PKP4: variants seen among roughly 807,000 people sequenced by gnomAD.
The protein encoded by PKP4 is plakophilin 4.
In PKP4, 90 loss-of-function variants were observed where a neutral mutation model predicts 145.1. The ratio of observed to expected loss-of-function variants is 0.62; its 90% CI spans 0.52 to 0.74. The LOEUF (loss-of-function observed/expected upper bound fraction) is 0.74. Ranked by LOEUF, PKP4 falls within the 30% of genes least tolerant of loss-of-function variation. PKP4 has a pLI of 0.00. For missense variants in PKP4, 1,340 were observed against 1,482.7 expected, an observed-to-expected ratio of 0.90 and a Z score of 1.58; for synonymous variants, 563 against 577.2, an observed-to-expected ratio of 0.98 and a Z score of 0.35.
chr2:158,578,488 C>A (rs1459633468), intron 3 of PKP4, among the ~76,000 whole-genome samples: 1 of 105,140 alleles, frequency 9.5e-6, no homozygotes, highest in Non-Finnish European at 2.2e-5. Flanking sequence ...CTTTGCAATA[C>A]CCAATGAAAT....
intron 2 of PKP4, 134 bp downstream of exon 2, chr2:158,533,450 CTG>C: frequency 1.5e-5 from 16 of 1,067,216 alleles, no homozygotes; most frequent in African/African-American, 3.1e-5. Context: ...GTTTACATCC[CTG>C]AGTACATTGG....
chr2:158,672,358 A>G (rs1277618903), intron 17 of PKP4, among the ~76,000 whole-genome samples: 4 of 152,208 alleles, frequency 2.6e-5, no homozygotes, highest in African/African-American at 9.7e-5. Context: ...TGCTCATGGA[A>G]TTTGTGTCTG....
At chr2:158,650,179 AC>A (rs750197964) in intron 11 of PKP4, among the ~76,000 whole-genome samples, 4 of 152,108 alleles carry the variant, frequency 2.6e-5, no homozygotes, top group Non-Finnish European at 5.9e-5. Flanking sequence ...CTTTCATGTG[AC>A]CTGTTCCCTT....
chr2:158,640,180 A>T (rs866606770), intron 9 of PKP4, among the ~76,000 whole-genome samples: 1 of 152,340 alleles, frequency 6.6e-6, no homozygotes, highest in Middle Eastern at 3.4e-3. Context: ...CCTCAGGCCC[A>T]CAATGTTTGT....
At chr2:158,593,801 A>G (rs2049484345) in intron 3 of PKP4, among the ~76,000 whole-genome samples, 1 of 152,204 alleles carries the variant, frequency 6.6e-6, no homozygotes, top group African/African-American at 2.4e-5. Flanking sequence ...CACAAAGGAA[A>G]AGTAGAATGA....
intron 1 of PKP4, among the ~76,000 whole-genome samples, chr2:158,461,655 A>G (rs1447336085): frequency 1.4e-5 from 2 of 146,912 alleles, no homozygotes; most frequent in African/African-American, 4.9e-5. Flanking sequence ...AACTCACAAT[A>G]TAGGGTAGGG....
intron 2 of PKP4, among the ~76,000 whole-genome samples, chr2:158,565,836 C>T (rs545635966): frequency 1.3e-5 from 2 of 151,984 alleles, no homozygotes; most frequent in Admixed American, 6.6e-5. Context: ...ACCTTCTTTC[C>T]GAAGAAGCCC....
Position 158,680,501 on chromosome 2 carries a change from T to A in PKP4, c.3403T>A (p.Ser1135Thr). ...TGATGCATACAGATTGTATTTGCAG[T>A]CTCCTCATAGCTATGAAGATCCTTA... ...NFDAYRLYLQ[S>T]PHSYEDPYFD... Residue 1135 changes from serine to threonine, a missense_variant, in exon 22 of 22, where the codon TCT becomes ACT. Coordinates refer to ENST00000389759, the MANE Select transcript of PKP4 (RefSeq NM_003628.6). 6.2e-7 allele frequency: 1 copy of A among 1,613,352 alleles called. No individual in the cohort carries two copies. Among genetic ancestry groups the A allele is most frequent in the Non-Finnish European group, 8.5e-7 (1 of 1,179,294 alleles).
intron 1 of PKP4, among the ~76,000 whole-genome samples, chr2:158,508,542 G>A (rs539694575): frequency 6.6e-6 from 1 of 152,268 alleles, no homozygotes; most frequent in Admixed American, 6.5e-5. Context: ...TGTTCCTAGA[G>A]TACTAGTAGT....
intron 21 of PKP4, chr2:158,679,158 A>T (rs925833004): frequency 5.0e-5 from 8 of 161,040 alleles, no homozygotes; most frequent in African/African-American, 1.7e-4. Flanking sequence ...GCCGGGATGG[A>T]CCTCACTGTG....
chr2:158,547,996 G>A (rs912753456), intron 2 of PKP4, among the ~76,000 whole-genome samples: 2 of 152,144 alleles, frequency 1.3e-5, no homozygotes, highest in African/African-American at 4.8e-5. Context: ...TTTTAGATTT[G>A]TTCATCTTAA....
chr2:158,484,038 T>C (rs535015035), intron 1 of PKP4, among the ~76,000 whole-genome samples: 4 of 143,584 alleles, frequency 2.8e-5, no homozygotes, highest in African/African-American at 7.9e-5. Context: ...TTTTCTTTTT[T>C]TTTTTTTTTT....
chr2:158,656,296 G>A (rs915386287), intron 11 of PKP4, among the ~76,000 whole-genome samples: 25 of 152,116 alleles, frequency 1.6e-4, no homozygotes, highest in African/African-American at 5.6e-4. Flanking sequence ...CTAAGAATCC[G>A]TGGAGAAATA....
At chr2:158,631,162 G>C (rs1467550683) in intron 7 of PKP4, among the ~76,000 whole-genome samples, 1 of 151,892 alleles carries the variant, frequency 6.6e-6, no homozygotes, top group Non-Finnish European at 1.5e-5. Context: ...GGTTGATCTC[G>C]ATCTCCTGAC....
At chr2:158,635,124 A>G (rs2053701007) in intron 9 of PKP4, among the ~76,000 whole-genome samples, 1 of 152,196 alleles carries the variant, frequency 6.6e-6, no homozygotes, top group African/African-American at 2.4e-5. Context: ...TTCACTGGAA[A>G]ATTGTTATAA....
intron 6 of PKP4, among the ~76,000 whole-genome samples, chr2:158,624,111 G>C (rs2052526912): frequency 6.6e-6 from 1 of 152,112 alleles, no homozygotes; most frequent in Non-Finnish European, 1.5e-5. Flanking sequence ...ATAGATTTGG[G>C]GGTGCCTTTT....
At chr2:158,636,610 C>T (rs1305371217) in intron 9 of PKP4, among the ~76,000 whole-genome samples, 1 of 151,862 alleles carries the variant, frequency 6.6e-6, no homozygotes, top group East Asian at 1.9e-4. Context: ...TTTTTTCTGC[C>T]CCAAACTCTC....
chr2:158,590,104 G>A (rs1022067298), intron 3 of PKP4, among the ~76,000 whole-genome samples: 1 of 152,044 alleles, frequency 6.6e-6, no homozygotes, highest in Non-Finnish European at 1.5e-5. Flanking sequence ...AATATAATCT[G>A]TTTTTGCATA....
chr2:158,480,716 A>G lies in PKP4; in HGVS notation c.-6+23498A>G, dbSNP rs1386935762. Among the ~76,000 whole-genome samples the G allele has an allele frequency of 2.6e-5, 4 of 152,336 alleles. No individual in the cohort carries two copies. The East Asian group carries it at 5.8e-4, about 22-fold the overall frequency. On this transcript the variant is annotated intron_variant, in intron 1 of 21. Coordinates refer to ENST00000389759, the MANE Select transcript of PKP4 (RefSeq NM_003628.6). ...AATTGAAGTGCATATTACAATTGAG[A>G]TGTATTCTCATACCATAAATTCACT...
Sources: gnomAD v4.1 joint callset for allele counts (sites outside exome capture counted in the v4.1 genomes callset) on GRCh38, gnomAD v4.1.1 for gene constraint, MANE v1.5 for transcripts, NCBI Gene and HGNC (gene_info 2026-07-23, HGNC 2026-07-21) for gene names.